The following TRMT11 variants were observed in gnomAD, a reference collection of about 807,000 sequenced individuals.
TRMT11 encodes the protein tRNA (guanine(10)-N(2))-methyltransferase TRMT11.
Under a neutral mutation model 62.8 loss-of-function variants are expected in TRMT11, and 53 were observed. The observed-to-expected ratio is 0.84, with a 90% CI of 0.68 to 1.06. The LOEUF (loss-of-function observed/expected upper bound fraction) is 1.06, where lower values mean the gene tolerates loss of function less well. TRMT11 is among the 50% of genes least tolerant of loss of function. The pLI is 0.00. For synonymous variants in TRMT11, 188 were observed against 190.3 expected (o/e 0.99, Z 0.10); for missense variants, 556 against 553.4 (o/e 1.00, Z -0.05).
Position 125,996,078 on chromosome 6 carries a change from G to T in TRMT11, c.212+38G>T, listed in dbSNP as rs141319887. The stretch of plus-strand genomic sequence containing the variant: ...TATGTTCTCCTGCATGAATATACTG[G>T]TACTTCTCATAACCACTCAATCCTG... On this transcript the variant is annotated intron_variant, in intron 3 of 12. Coordinates refer to ENST00000334379, the MANE Select transcript of TRMT11 (RefSeq NM_001031712.3). 240 of 1,368,336 alleles carry T rather than the reference G, an allele frequency of 1.8e-4. 5 individuals are homozygous for T. The African/African-American group carries it at 3.1e-3, about 18-fold the overall frequency. 84.8% of individuals were successfully genotyped at this position (1,368,336 alleles called of 1,614,324 possible). A position where few individuals can be genotyped will look rare whatever the true frequency, so the allele number is the denominator to read the frequency against.
chr6:126,124,579 G>A (rs796789011), intron 21 of TRMT11, among the ~76,000 whole-genome samples: 38 of 152,134 alleles, frequency 2.5e-4, no homozygotes, highest in African/African-American at 9.2e-4. Context: ...TCACTTCCAA[G>A]GTTAGGCTTC....
chr6:126,131,460 A>G (rs1451592802), intron 21 of TRMT11, among the ~76,000 whole-genome samples: 3 of 151,942 alleles, frequency 2.0e-5, no homozygotes, highest in Non-Finnish European at 1.5e-5. Context: ...GTAGAACAGT[A>G]TGTCTAAGTA....
chr6:126,216,975 A>G, the TRMT11 span, among the ~76,000 whole-genome samples: 2 of 152,132 alleles, frequency 1.3e-5, no homozygotes, highest in Admixed American at 6.6e-5. Context: ...CAAATAGCCT[A>G]TCAAGCTTAC....
intron 21 of TRMT11, among the ~76,000 whole-genome samples, chr6:126,127,787 T>G (rs1347974878): frequency 6.6e-6 from 1 of 151,678 alleles, no homozygotes; most frequent in Non-Finnish European, 1.5e-5. Flanking sequence ...GTCCAAATCT[T>G]AAGTTTTCTG....
At chr6:126,078,445 C>G (rs1777083174) in intron 17 of TRMT11, among the ~76,000 whole-genome samples, 1 of 150,448 alleles carries the variant, frequency 6.6e-6, no homozygotes, top group Non-Finnish European at 1.5e-5. Flanking sequence ...TCTTCCGTTC[C>G]TGATTTCATT....
At chr6:126,239,686 T>C in the TRMT11 span, among the ~76,000 whole-genome samples, 1 of 152,198 alleles carries the variant, frequency 6.6e-6, no homozygotes, top group African/African-American at 2.4e-5. Context: ...ATTATGTGTC[T>C]TGGAGTTGCT....
At chr6:126,044,122 C>T (rs1451346356), downstream of TRMT11, among the ~76,000 whole-genome samples, 1 of 151,854 alleles carries the variant, frequency 6.6e-6, no homozygotes, top group African/African-American at 2.4e-5. Flanking sequence ...GACATGAAGT[C>T]CTTGCCCATG....
downstream of TRMT11, among the ~76,000 whole-genome samples, chr6:126,040,153 G>A (rs1775832508): frequency 6.6e-6 from 1 of 152,046 alleles, no homozygotes; most frequent in African/African-American, 2.4e-5. Flanking sequence ...ACTCAATTTG[G>A]AATATGAGAT....
the TRMT11 span, among the ~76,000 whole-genome samples, chr6:126,237,145 A>G: frequency 6.6e-6 from 1 of 152,220 alleles, no homozygotes; most frequent in East Asian, 1.9e-4. Flanking sequence ...ATAAGCATCA[A>G]TAGTTTGTGT....
At chr6:126,102,580 T>C (rs73773358) in intron 17 of TRMT11, among the ~76,000 whole-genome samples, 6,193 of 144,910 alleles carry the variant, frequency 0.043, 420 homozygotes, top group African/African-American at 0.16. Flanking sequence ...TGAGAATCTT[T>C]ATTGTCGTAA....
chr6:126,137,326 T>C (rs893190447), intron 21 of TRMT11, among the ~76,000 whole-genome samples: 2 of 151,538 alleles, frequency 1.3e-5, no homozygotes, highest in Non-Finnish European at 3.0e-5. Flanking sequence ...AAAAATCTGA[T>C]TTAAAAATGA....
chr6:126,225,363 C>G, the TRMT11 span, among the ~76,000 whole-genome samples: 3 of 152,166 alleles, frequency 2.0e-5, no homozygotes, highest in Non-Finnish European at 4.4e-5. Flanking sequence ...TCTCCAGTAG[C>G]TGCTCAGGGC....
chr6:126,052,394 C>G (rs2128110312), intron 16 of TRMT11, among the ~76,000 whole-genome samples: 1 of 152,304 alleles, frequency 6.6e-6, no homozygotes, highest in South Asian at 2.1e-4. Context: ...TCCCCTTCCT[C>G]TCTCTTATTA....
intron 17 of TRMT11, among the ~76,000 whole-genome samples, chr6:126,067,672 A>T (rs1296481066): frequency 2.6e-5 from 4 of 152,216 alleles, no homozygotes; most frequent in Non-Finnish European, 4.4e-5. Flanking sequence ...TGGTGAACAT[A>T]TATGTGCATT....
At chr6:126,163,152 T>C (rs1778216098) in intron 21 of TRMT11, among the ~76,000 whole-genome samples, 1 of 152,222 alleles carries the variant, frequency 6.6e-6, no homozygotes, top group African/African-American at 2.4e-5. Flanking sequence ...TCAAAAGGAA[T>C]GCTTCCAGTT....
chr6:125,991,506 T>G (rs1035773854), intron 1 of TRMT11, among the ~76,000 whole-genome samples: 2 of 152,030 alleles, frequency 1.3e-5, no homozygotes, highest in African/African-American at 4.8e-5. Flanking sequence ...GAGCTCTCAC[T>G]GTGTTGCCAG....
chr6:126,131,606 C>T (rs966345644), intron 21 of TRMT11, among the ~76,000 whole-genome samples: 2 of 151,988 alleles, frequency 1.3e-5, no homozygotes, highest in Non-Finnish European at 2.9e-5. Context: ...CAACTGCTGT[C>T]AGTCCTTAAG....
At chr6:126,207,586 G>C (rs1004920828), downstream of TRMT11, among the ~76,000 whole-genome samples, 1 of 152,146 alleles carries the variant, frequency 6.6e-6, no homozygotes, top group South Asian at 2.1e-4. Context: ...ACTGAAAGAG[G>C]CCTATTAAAT....
chr6:126,109,940 G>A (rs954398633), intron 17 of TRMT11, among the ~76,000 whole-genome samples: 1 of 152,192 alleles, frequency 6.6e-6, no homozygotes, highest in African/African-American at 2.4e-5. Context: ...TTGGCACCAA[G>A]CATGACTTGA....
Sources: allele counts gnomAD v4.1 joint callset (sites outside exome capture counted in the v4.1 genomes callset), GRCh38; gene constraint gnomAD v4.1.1; transcripts MANE v1.5; gene names NCBI Gene and HGNC (gene_info 2026-07-23, HGNC 2026-07-21).